SPATA16: variants seen among roughly 807,000 people sequenced by gnomAD.
The protein encoded by SPATA16 is spermatogenesis-associated protein 16.
Under a neutral mutation model 63.3 loss-of-function variants are expected in SPATA16, and 36 were observed. The observed-to-expected ratio is 0.57, with a 90% CI of 0.44 to 0.75. SPATA16 has a LOEUF of 0.75. Among genes scored for constraint, SPATA16 ranks in the 30% least tolerant of loss-of-function variants. The probability of loss-of-function intolerance (pLI) is 0.00; values close to 1 mark genes in which losing one functional copy is unlikely to be tolerated. For synonymous variants in SPATA16, 203 were observed against 216.7 expected (o/e 0.94, Z 0.56); for missense variants, 646 against 679.3 (o/e 0.95, Z 0.54).
At chr3:173,102,557 AAAC>A (rs1428658240) in intron 2 of SPATA16, among the ~76,000 whole-genome samples, 5 of 152,058 alleles carry the variant, frequency 3.3e-5, no homozygotes, top group African/African-American at 1.2e-4. Flanking sequence ...ACAAACTTTT[AAAC>A]AACGAGATCT....
At chr3:173,056,250 G>A (rs1736219561) in intron 2 of SPATA16, among the ~76,000 whole-genome samples, 1 of 152,164 alleles carries the variant, frequency 6.6e-6, no homozygotes, top group Admixed American at 6.5e-5. Flanking sequence ...AAGGAAATTG[G>A]CAAGTCCTTT....
chr3:173,086,459 C>G (rs537499951), intron 2 of SPATA16, among the ~76,000 whole-genome samples: 130 of 152,110 alleles, frequency 8.5e-4, no homozygotes, highest in African/African-American at 3.0e-3. Context: ...AGTAGTCTAT[C>G]TATTCCATTA....
At chr3:173,119,865 A>G (rs1308010405) in intron 1 of SPATA16, among the ~76,000 whole-genome samples, 1 of 132,152 alleles carries the variant, frequency 7.6e-6, no homozygotes, top group African/African-American at 2.5e-5. Context: ...AGGCAGGTGG[A>G]TCATCTGAGG....
At chr3:173,068,020 T>G (rs1017113902) in intron 2 of SPATA16, among the ~76,000 whole-genome samples, 10 of 152,324 alleles carry the variant, frequency 6.6e-5, no homozygotes, top group Middle Eastern at 6.8e-3. Context: ...AAATTATCCT[T>G]CAAACATGAA....
At chr3:172,991,233 G>T (rs919945370) in intron 4 of SPATA16, among the ~76,000 whole-genome samples, 4 of 152,118 alleles carry the variant, frequency 2.6e-5, no homozygotes, top group African/African-American at 9.7e-5. Context: ...GAGTGTGTAT[G>T]CATGTTGCAC....
At chr3:173,026,922 T>C (rs1735466069) in intron 3 of SPATA16, among the ~76,000 whole-genome samples, 1 of 151,922 alleles carries the variant, frequency 6.6e-6, no homozygotes, top group African/African-American at 2.4e-5. Context: ...TTCTGTACTT[T>C]TCTGTTTACA....
intron 5 of SPATA16, among the ~76,000 whole-genome samples, chr3:172,960,951 C>T (rs1189113351): frequency 7.1e-6 from 1 of 140,800 alleles, no homozygotes; most frequent in East Asian, 2.1e-4. Flanking sequence ...CTCTTCCCCC[C>T]TCCCTCTCTC....
intron 2 of SPATA16, among the ~76,000 whole-genome samples, chr3:173,084,547 C>T (rs1737001169): frequency 1.3e-5 from 2 of 151,900 alleles, no homozygotes; most frequent in African/African-American, 4.8e-5. Flanking sequence ...TCAAGTTTTG[C>T]TTTTAGTGCA....
chr3:172,912,241 AG>A (rs1340600125), intron 10 of SPATA16, among the ~76,000 whole-genome samples: 1 of 152,174 alleles, frequency 6.6e-6, no homozygotes, highest in African/African-American at 2.4e-5. Flanking sequence ...CTCCCAGACA[AG>A]GCTATTCTGC....
At chr3:172,922,713 G>A (rs1002502121) in intron 8 of SPATA16, among the ~76,000 whole-genome samples, 2 of 152,144 alleles carry the variant, frequency 1.3e-5, no homozygotes, top group Admixed American at 6.5e-5. Context: ...TTGAGGCCAG[G>A]AGTTCAAGAC....
intron 2 of SPATA16, among the ~76,000 whole-genome samples, chr3:173,098,390 A>G (rs1307691451): frequency 6.6e-6 from 1 of 152,210 alleles, no homozygotes; most frequent in Non-Finnish European, 1.5e-5. Context: ...TAATCTGGAC[A>G]ATGTCATGCT....
chr3:172,927,694 C>T (rs556759015), intron 6 of SPATA16, among the ~76,000 whole-genome samples: 2 of 152,270 alleles, frequency 1.3e-5, no homozygotes, highest in South Asian at 2.1e-4. Flanking sequence ...AATCAGGCAG[C>T]TGGATGCCAA....
At chr3:173,061,960 C>T (rs745762454) in intron 2 of SPATA16, among the ~76,000 whole-genome samples, 1 of 151,994 alleles carries the variant, frequency 6.6e-6, no homozygotes, top group Non-Finnish European at 1.5e-5. Flanking sequence ...AATGAGGTTA[C>T]TCCCTGAGTG....
intron 3 of SPATA16, among the ~76,000 whole-genome samples, chr3:173,044,611 G>T (rs1735916432): frequency 6.6e-6 from 1 of 152,118 alleles, no homozygotes; most frequent in African/African-American, 2.4e-5. Flanking sequence ...ACATCTTGAA[G>T]TCTATTTCTA....
chr3:173,126,458 T>C (rs946906275), intron 1 of SPATA16, among the ~76,000 whole-genome samples: 3 of 152,216 alleles, frequency 2.0e-5, no homozygotes, highest in Non-Finnish European at 2.9e-5. Flanking sequence ...AGACAAAGTT[T>C]GAATCTCGTT....
chr3:172,979,301 G>A (rs1338822543), intron 4 of SPATA16, among the ~76,000 whole-genome samples: 2 of 151,978 alleles, frequency 1.3e-5, no homozygotes, highest in Non-Finnish European at 2.9e-5. Flanking sequence ...GTGCCCCTTG[G>A]ATATTTCAAT....
chr3:173,041,639 A>G (rs1408617498), intron 3 of SPATA16, among the ~76,000 whole-genome samples: 1 of 152,108 alleles, frequency 6.6e-6, no homozygotes, highest in Non-Finnish European at 1.5e-5. Flanking sequence ...TGGCACCCGC[A>G]ATGTTCCCTA....
At chr3:173,118,299 A>G (rs1354259167) in intron 1 of SPATA16, among the ~76,000 whole-genome samples, 1 of 152,238 alleles carries the variant, frequency 6.6e-6, no homozygotes, top group Admixed American at 6.5e-5. Flanking sequence ...AAGCTCATAG[A>G]CAACTATTGT....
intron 2 of SPATA16, among the ~76,000 whole-genome samples, chr3:173,066,086 A>G (rs959292750): frequency 6.6e-6 from 1 of 152,162 alleles, no homozygotes; most frequent in Non-Finnish European, 1.5e-5. Context: ...AAGGAGAAAG[A>G]AGAGTGCAGT....
Sources: allele counts gnomAD v4.1 joint callset (sites outside exome capture counted in the v4.1 genomes callset), GRCh38; gene constraint gnomAD v4.1.1; transcripts MANE v1.5; gene names NCBI Gene and HGNC (gene_info 2026-07-23, HGNC 2026-07-21).